The following STARD13 variants were observed in gnomAD, a reference collection of about 807,000 sequenced individuals.
STARD13 encodes the protein stAR-related lipid transfer protein 13.
In STARD13, 62 loss-of-function variants were observed where a neutral mutation model predicts 106.4. The observed-to-expected ratio is 0.58, with a 90% CI of 0.48 to 0.72. The LOEUF is 0.72. Ranked by LOEUF, STARD13 falls within the 30% of genes least tolerant of loss-of-function variation. The pLI is 0.00. For synonymous variants in STARD13, 565 were observed against 553.0 expected (o/e 1.02, Z -0.31); for missense variants, 1,387 against 1,424.0 (o/e 0.97, Z 0.42).
chr13:33,154,437 G>T (rs1258158280), intron 3 of STARD13, among the ~76,000 whole-genome samples: 1 of 152,194 alleles, frequency 6.6e-6, no homozygotes, highest in Non-Finnish European at 1.5e-5. Context: ...AGAAAATTAA[G>T]TATATGTATG....
the STARD13 span, among the ~76,000 whole-genome samples, chr13:33,423,893 A>G: frequency 6.6e-6 from 1 of 152,190 alleles, no homozygotes; most frequent in Non-Finnish European, 1.5e-5. Flanking sequence ...GAATTGAACA[A>G]TGAGAACACT....
chr13:33,533,104 T>G, the STARD13 span, among the ~76,000 whole-genome samples: 2 of 152,108 alleles, frequency 1.3e-5, no homozygotes, highest in Non-Finnish European at 2.9e-5. Context: ...CAGAGGAACA[T>G]AAAGAGGTAC....
At chr13:33,449,975 T>C in the STARD13 span, among the ~76,000 whole-genome samples, 1 of 152,158 alleles carries the variant, frequency 6.6e-6, no homozygotes, top group Non-Finnish European at 1.5e-5. Context: ...GTTCTAATAG[T>C]TTTTTTGTGT....
chr13:33,434,384 A>G, the STARD13 span, among the ~76,000 whole-genome samples: 3 of 151,736 alleles, frequency 2.0e-5, no homozygotes, highest in Admixed American at 2.0e-4. Flanking sequence ...GAAAGAAAGA[A>G]AAAGAAATCA....
At chr13:33,375,988 G>A in the STARD13 span, among the ~76,000 whole-genome samples, 2 of 151,976 alleles carry the variant, frequency 1.3e-5, no homozygotes, top group African/African-American at 4.8e-5. Flanking sequence ...ATTACTTAAT[G>A]TACTTAATAT....
the STARD13 span, among the ~76,000 whole-genome samples, chr13:33,673,370 A>G: frequency 1.7e-4 from 26 of 152,292 alleles, no homozygotes; most frequent in African/African-American, 6.0e-4. Flanking sequence ...GGGCAGGTGC[A>G]TAAGAGTTGC....
chr13:33,113,521 C>A (rs770501598), intron 8 of STARD13: 1 of 512,698 alleles, frequency 2.0e-6, no homozygotes, highest in African/African-American at 1.9e-5. Context: ...GCCAGCTTCT[C>A]GAGGGGAAGC....
intron 1 of STARD13, among the ~76,000 whole-genome samples, chr13:33,201,003 G>A (rs985429955): frequency 5.3e-5 from 8 of 151,834 alleles, no homozygotes; most frequent in Admixed American, 5.2e-4. Flanking sequence ...TCCAGCCTGG[G>A]TGACAGAGTG....
chr13:33,122,561 A>ACCATTAAAGCTCAGCCCAGCCACC (rs1876498454), intron 7 of STARD13, among the ~76,000 whole-genome samples: 1 of 152,216 alleles, frequency 6.6e-6, no homozygotes, highest in Non-Finnish European at 1.5e-5. Flanking sequence ...GCTGTCATCT[A>ACCATTAAAGCTCAGCCCAGCCACC]CTGTTAAAGC....
chr13:33,217,604 CTG>C, intron 1 of STARD13, among the ~76,000 whole-genome samples: 1 of 152,146 alleles, frequency 6.6e-6, no homozygotes, highest in Admixed American at 6.5e-5. Context: ...CCACTTAGCG[CTG>C]CATGAGCTCA....
chr13:33,113,412 C>T (rs995177739), intron 8 of STARD13: 5 of 437,812 alleles, frequency 1.1e-5, no homozygotes, highest in Admixed American at 7.6e-5. Flanking sequence ...CCTCGCCTTG[C>T]GTTTCTCCAC....
At chr13:33,499,511 C>CTTTCTTTCT in the STARD13 span, among the ~76,000 whole-genome samples, 13 of 69,144 alleles carry the variant, frequency 1.9e-4, no homozygotes, top group African/African-American at 9.2e-4. Flanking sequence ...TCTTCTTCTT[C>CTTTCTTTCT]TTCTTTCTTT....
In STARD13 at chr13:33,305,281, G is replaced by A. The variant is rs140392133; in HGVS notation, c.124+45009C>T. Among the ~76,000 whole-genome samples the A allele has an allele frequency of 1.8e-3, 273 of 152,254 alleles. 1 individual carries two copies. Among genetic ancestry groups the A allele is most frequent in the Non-Finnish European group, 3.0e-3 (202 of 68,028 alleles). ...TTTAATGAGCACTTACTTTACTGCC[G>A]TCACTAAGCACACGAAGAACTGACA... On this transcript the variant is annotated intron_variant, in intron 1 of 5. Coordinates refer to the STARD13 transcript ENST00000567873.
At chr13:33,258,741 G>A (rs1219805266) in intron 1 of STARD13, among the ~76,000 whole-genome samples, 1 of 152,208 alleles carries the variant, frequency 6.6e-6, no homozygotes, top group African/African-American at 2.4e-5. Flanking sequence ...ATGGAATTCT[G>A]CAATGCATGC....
the STARD13 span, among the ~76,000 whole-genome samples, chr13:33,396,208 T>C: frequency 5.9e-5 from 9 of 151,264 alleles, no homozygotes; most frequent in Non-Finnish European, 1.2e-4. Context: ...GTTGACCAGG[T>C]TGGTTTTGAA....
chr13:33,380,680 A>T, the STARD13 span, among the ~76,000 whole-genome samples: 1 of 152,150 alleles, frequency 6.6e-6, no homozygotes, highest in Non-Finnish European at 1.5e-5. Context: ...CAGAGAAGAA[A>T]GAACAAAGTT....
chr13:33,400,505 A>G, the STARD13 span, among the ~76,000 whole-genome samples: 1 of 150,140 alleles, frequency 6.7e-6, no homozygotes, highest in African/African-American at 2.5e-5. Flanking sequence ...TCTGTCCTCC[A>G]GGCTGGAGTG....
intron 1 of STARD13, among the ~76,000 whole-genome samples, chr13:33,218,178 A>C (rs1414054289): frequency 1.3e-5 from 2 of 152,192 alleles, no homozygotes; most frequent in Non-Finnish European, 2.9e-5. Flanking sequence ...CCTATGGTTT[A>C]AGAGGAATGC....
chr13:33,429,929 G>GC, the STARD13 span, among the ~76,000 whole-genome samples: 1 of 144,608 alleles, frequency 6.9e-6, no homozygotes, highest in African/African-American at 2.6e-5. Context: ...TTTTTTTTTG[G>GC]GGGGGGGGGA....
Sources: gnomAD v4.1 joint callset for allele counts (sites outside exome capture counted in the v4.1 genomes callset) on GRCh38, gnomAD v4.1.1 for gene constraint, MANE v1.5 for transcripts, NCBI Gene and HGNC (gene_info 2026-07-23, HGNC 2026-07-21) for gene names.